Variants in PTGS1 observed in about 807,000 individuals in gnomAD.
PTGS1 encodes the protein prostaglandin G/H synthase 1.
Under a neutral mutation model 63.0 loss-of-function variants are expected in PTGS1, and 40 were observed. That is an observed-to-expected ratio of 0.63 (90% CI 0.49 to 0.83). The LOEUF (loss-of-function observed/expected upper bound fraction) is 0.83, where lower values mean the gene tolerates loss of function less well. Ranked by LOEUF, PTGS1 falls within the 40% of genes least tolerant of loss-of-function variation. The pLI, the probability that PTGS1 is intolerant of heterozygous loss-of-function variation, is 0.00. For missense variants in PTGS1, 709 were observed against 786.5 expected, an observed-to-expected ratio of 0.90 and a Z score of 1.18; for synonymous variants, 298 against 301.9, an observed-to-expected ratio of 0.99 and a Z score of 0.13.
rs202095250 is a variant in PTGS1, at chr9:122,378,426, C to A, written c.212-7C>A. Reference sequence around the variant, plus strand: ...GACCAACTGAGTGACTGCCATTGCCCCTGCAGCTGGCCTGTGGACCTGGCT... The same window carrying A: ...GACCAACTGAGTGACTGCCATTGCCACTGCAGCTGGCCTGTGGACCTGGCT... On this transcript the variant is annotated splice_polypyrimidine_tract_variant and splice_region_variant and intron_variant, in intron 3 of 10. Coordinates refer to ENST00000362012, the MANE Select transcript of PTGS1 (RefSeq NM_000962.4). The A allele has an allele frequency of 6.4e-5, 104 of 1,613,202 alleles. No homozygotes were observed. The highest frequency in any genetic ancestry group is 8.2e-5 in the Non-Finnish European group (97 of 1,180,042).
chr9:122,373,312 C>T (rs1836920023), intron 2 of PTGS1, among the ~76,000 whole-genome samples: 2 of 152,136 alleles, frequency 1.3e-5, no homozygotes, highest in Non-Finnish European at 2.9e-5. Flanking sequence ...CTCATATTTC[C>T]AAGTCTGCGA....
At position 122,375,347 on chromosome 9, in the gene PTGS1, G is replaced by GCTCTGCCT. The variant is rs1342240473; in HGVS notation, c.95-2552_95-2551insCTCTGCCT. ...AGCTTGTGGCTCTTCTGCCTGCCGA[G>GCTCTGCCT]GCAGAGCTCTAGGGCCATGGCGGGA... On this transcript the variant is annotated intron_variant, in intron 2 of 10. Coordinates refer to ENST00000362012, the MANE Select transcript of PTGS1 (RefSeq NM_000962.4). 7 of 985,520 alleles carry GCTCTGCCT rather than the reference G, an allele frequency of 7.1e-6. No individual in the cohort carries two copies. In the East Asian group the frequency reaches 7.9e-4, roughly 112 times the overall value. 61.0% of individuals were successfully genotyped at this position (985,520 alleles called of 1,614,324 possible).
rs202141502 is a variant in PTGS1 at position 122,381,456 on chromosome 9, C to T, written c.582C>T (p.Asn194=). The change falls in exon 6 of 11, where the codon AAC becomes AAT. Residue 194 remains asparagine (N), a synonymous_variant. Coordinates refer to ENST00000362012, the MANE Select transcript of PTGS1 (RefSeq NM_000962.4). The part of the protein sequence containing the change: ...RKFIPDPQGT[N]LMFAFFAQHF... ...TCATACCTGACCCCCAAGGCACCAACCTCATGTTTGCCTTCTTTGCACAAC... is the reference window on the plus strand; with the variant it reads ...TCATACCTGACCCCCAAGGCACCAATCTCATGTTTGCCTTCTTTGCACAAC... 1 of 1,614,248 alleles carries T rather than the reference C, an allele frequency of 6.2e-7. No individual in the cohort carries two copies. The highest frequency in any genetic ancestry group is 8.5e-7 in the Non-Finnish European group (1 of 1,180,044).
chr9:122,373,306 T>C (rs1280744476), intron 2 of PTGS1, among the ~76,000 whole-genome samples: 1 of 152,164 alleles, frequency 6.6e-6, no homozygotes, highest in Non-Finnish European at 1.5e-5. Context: ...GTTGCCCTCA[T>C]ATTTCCAAGT....
chr9:122,389,574 G>T (rs577505569), intron 9 of PTGS1, among the ~76,000 whole-genome samples: 12 of 152,228 alleles, frequency 7.9e-5, no homozygotes, highest in African/African-American at 2.9e-4. Flanking sequence ...CTTCACAGGG[G>T]GTTACACTAC....
chr9:122,372,713 T>C (rs1288504814), intron 2 of PTGS1: 1 of 152,276 alleles, frequency 6.6e-6, no homozygotes, highest in Non-Finnish European at 1.5e-5. Flanking sequence ...GTCCCACCCG[T>C]CTGTATTCTT....
At chr9:122,377,810 C>A (rs565320175) in intron 2 of PTGS1, 89 bp from the exon 3 acceptor site, 8 of 1,178,512 alleles carry the variant, frequency 6.8e-6, no homozygotes, top group South Asian at 2.6e-5. Context: ...TAAGTCCATG[C>A]CTCTGGCCCC....
intron 1 of PTGS1, 42 bp from the exon 2 acceptor site, chr9:122,371,144 C>A (rs201214271): frequency 1.9e-6 from 3 of 1,607,364 alleles, no homozygotes; most frequent in Non-Finnish European, 1.7e-6. Flanking sequence ...CCTGGTGGAG[C>A]CTTGAATGCC....
At chr9:122,372,429 A>C (rs1836860134) in intron 2 of PTGS1, among the ~76,000 whole-genome samples, 1 of 152,198 alleles carries the variant, frequency 6.6e-6, no homozygotes, top group Admixed American at 6.5e-5. Context: ...TGTGGCCAGC[A>C]CTTTAAAGTT....
chr9:122,385,922 C>A (rs919180635), intron 8 of PTGS1, among the ~76,000 whole-genome samples: 2 of 152,164 alleles, frequency 1.3e-5, no homozygotes, highest in Non-Finnish European at 2.9e-5. Flanking sequence ...CTTGAGACCT[C>A]AGTCAAAATA....
chr9:122,392,154 A>T (rs888834582), intron 10 of PTGS1, 35 bp from the exon 11 acceptor site: 2 of 1,528,164 alleles, frequency 1.3e-6, no homozygotes, highest in African/African-American at 1.4e-5. Context: ...GGCATCATGG[A>T]TCTGATGCTA....
intron 2 of PTGS1, among the ~76,000 whole-genome samples, chr9:122,375,033 T>C (rs1038531255): frequency 6.6e-6 from 1 of 152,188 alleles, no homozygotes; most frequent in African/African-American, 2.4e-5. Context: ...CTTGGTCGGC[T>C]GGAGCCCTGG....
rs2119105011 is a variant in PTGS1, at chr9:122,371,633, C to T, written c.94+361C>T. ...TATAGGGGCCTCTTTGGGAGGAAGCCGCAGGCACCAAGGGAAATGAGTTCC... is the reference window on the plus strand; with the variant it reads ...TATAGGGGCCTCTTTGGGAGGAAGCTGCAGGCACCAAGGGAAATGAGTTCC... On this transcript the variant is annotated intron_variant, in intron 2 of 10. Transcript: ENST00000362012. 5 of 1,431,064 alleles carry T rather than the reference C, an allele frequency of 3.5e-6. No individual in the cohort carries two copies. In the East Asian group the frequency reaches 1.0e-4, roughly 29 times the overall value. The allele number at this position is 1,431,064 out of a possible 1,614,324, so 88.6% of individuals were successfully genotyped here.
chr9:122,377,740 G>T (rs1310572629), intron 2 of PTGS1, among the ~76,000 whole-genome samples, 159 bp from the exon 3 acceptor site: 1 of 152,164 alleles, frequency 6.6e-6, no homozygotes, highest in Non-Finnish European at 1.5e-5. Flanking sequence ...TGGGAACAGG[G>T]GTCCCCTTGG....
Position 122,392,583 on chromosome 9 carries a change from G to A in PTGS1, c.*39G>A, listed in dbSNP as rs199881169. 67 of 1,573,148 alleles carry A rather than the reference G, an allele frequency of 4.3e-5. No homozygotes were observed. In the East Asian group the frequency reaches 1.5e-3, roughly 35 times the overall value. On this transcript the variant is annotated 3_prime_UTR_variant, in exon 11 of 11. Transcript: ENST00000362012. ...AGCATTCTGGAGGGGAGAGCTTTGT[G>A]CTTGTCATTCCAGAGTGCTGAGGCC...
In PTGS1 at chr9:122,377,995, C is replaced by G; in HGVS notation, c.191C>G (p.Ser64Cys). The G allele has an allele frequency of 6.2e-7, 1 of 1,613,372 alleles. No homozygotes were observed. Among genetic ancestry groups the G allele is most frequent in the Non-Finnish European group, 8.5e-7 (1 of 1,179,976 alleles). ...YQCDCTRTGY[S>C]GPNCTIPGLW... Reference sequence around the variant, plus strand: ...TGTGACTGCACCCGCACGGGCTATTCCGGCCCCAACTGCACCATCCGTGAG... The same window carrying G: ...TGTGACTGCACCCGCACGGGCTATTGCGGCCCCAACTGCACCATCCGTGAG... Residue 64 changes from serine (S) to cysteine (C), a missense_variant, in exon 3 of 11, where the codon TCC becomes TGC. Ser to Cys is a moderately radical substitution (Grantham distance 112). Transcript: ENST00000362012.
intron 8 of PTGS1, among the ~76,000 whole-genome samples, chr9:122,384,410 A>G (rs1010139368): frequency 1.3e-5 from 2 of 152,078 alleles, no homozygotes; most frequent in African/African-American, 2.4e-5. Context: ...CCAATTATAG[A>G]GCCTAATTCA....
At chr9:122,372,063 T>TCAGCCAACCTTCCTCCCC in intron 2 of PTGS1, among the ~76,000 whole-genome samples, 1 of 152,106 alleles carries the variant, frequency 6.6e-6, no homozygotes, top group Non-Finnish European at 1.5e-5. Context: ...AGCTCCTCGC[T>TCAGCCAACCTTCCTCCCC]CAGCCAACCT....
At chr9:122,373,822 TGGGGCCCA>T in intron 2 of PTGS1, among the ~76,000 whole-genome samples, 1 of 150,802 alleles carries the variant, frequency 6.6e-6, no homozygotes, top group East Asian at 1.9e-4. Flanking sequence ...GTGTGGGGAC[TGGGGCCCA>T]GGCCAAACCA....
Sources: allele counts gnomAD v4.1 joint callset (sites outside exome capture counted in the v4.1 genomes callset), GRCh38; gene constraint gnomAD v4.1.1; transcripts MANE v1.5; gene names NCBI Gene and HGNC (gene_info 2026-07-23, HGNC 2026-07-21).